Variants in TMCC2 observed in about 807,000 individuals in gnomAD.
TMCC2 encodes the protein transmembrane and coiled-coil domains protein 2.
A neutral mutation model predicts 49.4 loss-of-function variants in TMCC2; 16 were observed. That is an observed-to-expected ratio of 0.32 (90% CI 0.22 to 0.49). The LOEUF is 0.49. Ranked by LOEUF, TMCC2 falls within the 20% of genes least tolerant of loss-of-function variation. The pLI is 0.99. For synonymous variants in TMCC2, 397 were observed against 434.1 expected (o/e 0.91, Z 1.06); for missense variants, 762 against 989.8 (o/e 0.77, Z 3.09).
At chr1:205,233,943 TC>T (rs1300315129) in intron 1 of TMCC2, 1 of 152,010 alleles carries the variant, frequency 6.6e-6, no homozygotes, top group Non-Finnish European at 1.5e-5. Context: ...ACAAGCTACT[TC>T]ATAAGAACGT....
At chr1:205,253,251 A>G (rs1468153944) in intron 2 of TMCC2, among the ~76,000 whole-genome samples, 1 of 152,250 alleles carries the variant, frequency 6.6e-6, no homozygotes, top group East Asian at 1.9e-4. Context: ...AAGAATACTA[A>G]AGAAAGAAGG....
intron 2 of TMCC2, among the ~76,000 whole-genome samples, chr1:205,244,843 G>A (rs1280741507): frequency 6.6e-6 from 1 of 152,034 alleles, no homozygotes; most frequent in Non-Finnish European, 1.5e-5. Context: ...GGAGATGGGG[G>A]TACTGAGGGA....
At chr1:205,229,551 GGGGGGGGTGGT>G in intron 1 of TMCC2, 2 of 694,056 alleles carry the variant, frequency 2.9e-6, no homozygotes, top group Non-Finnish European at 3.5e-6. Flanking sequence ...GGGGCGGGGG[GGGGGGGGTGGT>G]GGCGGGGGCG....
chr1:205,266,075 A>G (rs1383630604), intron 2 of TMCC2, among the ~76,000 whole-genome samples: 1 of 147,168 alleles, frequency 6.8e-6, no homozygotes, highest in Admixed American at 6.8e-5. Flanking sequence ...CCCCATCTCT[A>G]CTAAAAATAC....
chr1:205,238,268 A>G (rs1248384740), intron 1 of TMCC2, among the ~76,000 whole-genome samples: 1 of 151,220 alleles, frequency 6.6e-6, no homozygotes. Context: ...TTACTGTGTT[A>G]TGTCAAAACT....
At chr1:205,234,790 G>T (rs998937249) in intron 1 of TMCC2, among the ~76,000 whole-genome samples, 2 of 152,072 alleles carry the variant, frequency 1.3e-5, no homozygotes, top group South Asian at 2.1e-4. Context: ...CTCCCGAGTA[G>T]CTGGGACTAT....
chr1:205,270,565 T>A (rs1278477793), intron 3 of TMCC2, among the ~76,000 whole-genome samples: 1 of 152,222 alleles, frequency 6.6e-6, no homozygotes, highest in African/African-American at 2.4e-5. Context: ...GCTAGCACTT[T>A]CTCTTTTTCT....
intron 2 of TMCC2, among the ~76,000 whole-genome samples, chr1:205,254,505 G>A (rs1021077565): frequency 6.6e-6 from 1 of 152,198 alleles, no homozygotes. Flanking sequence ...AGACGAGCAG[G>A]CTTAGAAAAG....
chr1:205,262,499 T>C (rs949160555), intron 2 of TMCC2, among the ~76,000 whole-genome samples: 1 of 152,092 alleles, frequency 6.6e-6, no homozygotes, highest in African/African-American at 2.4e-5. Flanking sequence ...CTGGAGGTCT[T>C]GGGTTTCCTC....
In TMCC2 at chr1:205,228,791, C is replaced by A; in HGVS notation, c.207+20C>A. The A allele has an allele frequency of 1.9e-6, 3 of 1,570,876 alleles. No homozygotes were observed. The highest frequency in any genetic ancestry group is 1.7e-6 in the Non-Finnish European group (2 of 1,158,654). On this transcript the variant is annotated intron_variant, in intron 1 of 4. Transcript: ENST00000358024. ...TTAAAGGTGAGCGCAGACCATCCCC[C>A]CGGCAAGCCCAGCCCGCGACTTAGC... is the stretch of plus-strand genomic sequence containing the variant.
chr1:205,246,688 A>G (rs762709698), intron 2 of TMCC2: 2 of 1,549,592 alleles, frequency 1.3e-6, no homozygotes, highest in African/African-American at 1.4e-5. Flanking sequence ...CCCACCTCTC[A>G]TGGGTGAGTC....
At chr1:205,229,083 C>G (rs1369767787) in intron 1 of TMCC2, 1 of 1,204,894 alleles carries the variant, frequency 8.3e-7, no homozygotes, top group Non-Finnish European at 1.0e-6. Flanking sequence ...ATCCAAGATG[C>G]TAACCAAAAA....
At chr1:205,255,277 G>A (rs956237542) in intron 2 of TMCC2, among the ~76,000 whole-genome samples, 65 of 151,876 alleles carry the variant, frequency 4.3e-4, no homozygotes, top group Non-Finnish European at 8.8e-4. Context: ...TATCTTGGCC[G>A]GGTGCAGTGG....
chr1:205,243,975 G>A (rs185025114), intron 2 of TMCC2, among the ~76,000 whole-genome samples: 135 of 152,356 alleles, frequency 8.9e-4, no homozygotes, highest in Non-Finnish European at 1.6e-3. Flanking sequence ...TTGCAGCAAA[G>A]CAAAAGGAAA....
intron 1 of TMCC2, among the ~76,000 whole-genome samples, chr1:205,231,135 T>C (rs1659783181): frequency 6.6e-6 from 1 of 151,756 alleles, no homozygotes. Context: ...CTCTGTCTGC[T>C]TCATCACAAC....
chr1:205,230,117 A>G, intron 1 of TMCC2: 1 of 985,386 alleles, frequency 1.0e-6, no homozygotes, highest in East Asian at 1.1e-4. Context: ...GAATAAGCCA[A>G]TGCCATTCCT....
chr1:205,255,069 G>T (rs1272132697), intron 2 of TMCC2, among the ~76,000 whole-genome samples: 5 of 152,114 alleles, frequency 3.3e-5, no homozygotes, highest in Non-Finnish European at 5.9e-5. Flanking sequence ...TAGACATGGT[G>T]GTGCACACCA....
chr1:205,231,586 C>T (rs1009675866), intron 1 of TMCC2, among the ~76,000 whole-genome samples: 11 of 152,180 alleles, frequency 7.2e-5, no homozygotes, highest in South Asian at 2.1e-4. Context: ...TGTGAGCCAC[C>T]GTGCCCAGCC....
intron 2 of TMCC2, chr1:205,267,963 G>A: frequency 2.0e-6 from 2 of 979,974 alleles, no homozygotes; most frequent in Non-Finnish European, 2.4e-6. Context: ...TGGGGGTGGG[G>A]CATGCTCCTC....
Sources: gnomAD v4.1 joint callset for allele counts (sites outside exome capture counted in the v4.1 genomes callset) on GRCh38, gnomAD v4.1.1 for gene constraint, MANE v1.5 for transcripts, NCBI Gene and HGNC (gene_info 2026-07-23, HGNC 2026-07-21) for gene names.